The following GAS7 variants were observed in gnomAD, a reference collection of about 807,000 sequenced individuals.
GAS7 encodes growth arrest-specific protein 7.
GAS7 carries 28 observed loss-of-function variants against 71.1 expected under a neutral mutation model. The observed-to-expected ratio is 0.39, with a 90% CI of 0.29 to 0.54. The LOEUF is 0.54. Among genes scored for constraint, GAS7 ranks in the 20% least tolerant of loss-of-function variants. The pLI is 0.62. For missense variants in GAS7, 436 were observed against 627.8 expected (o/e 0.69, Z 3.27); for synonymous variants, 258 against 245.8 (o/e 1.05, Z -0.46).
rs1387937303 is a variant in GAS7 at position 9,974,142 on chromosome 17, A to G, written c.386-4380T>C. ...AGTTCTGGTCTGTCAGCTGATGGCT[A>G]ATTACTGCTCATGTCAAAACAATTA... is the stretch of plus-strand genomic sequence containing the variant. On this transcript the variant is annotated intron_variant, in intron 3 of 13. Transcript: ENST00000432992. The surrounding 1 kb of genome is among the most constrained non-coding windows in gnomAD (Gnocchi z 4.0). Among the ~76,000 whole-genome samples the G allele has an allele frequency of 1.3e-5, 2 of 152,184 alleles. No homozygotes were observed. The highest frequency in any genetic ancestry group is 2.9e-5 in the Non-Finnish European group (2 of 68,032).
intron 2 of GAS7, among the ~76,000 whole-genome samples, chr17:9,986,763 G>T (rs577131741): frequency 6.6e-6 from 1 of 152,266 alleles, no homozygotes; most frequent in South Asian, 2.1e-4. Flanking sequence ...CTCCAAATGG[G>T]CCCCATCAGG....
At chr17:9,972,877 A>C (rs987313567) in intron 3 of GAS7, among the ~76,000 whole-genome samples, 16 of 152,344 alleles carry the variant, frequency 1.1e-4, no homozygotes, top group African/African-American at 2.9e-4. Context: ...AGAAAATAAT[A>C]AAGAAGAATA....
chr17:10,054,611 T>A (rs1160552067), intron 1 of GAS7, among the ~76,000 whole-genome samples: 1 of 152,226 alleles, frequency 6.6e-6, no homozygotes, highest in Non-Finnish European at 1.5e-5. Context: ...ATTGTAACTG[T>A]CGGGGGCCTT....
rs1049491597 is a variant in GAS7 at position 9,966,123 on chromosome 17, C to A, written c.471+3554G>T. ...ATGCCATTCTCCTGCCTCAGCCTCC[C>A]GAGTAGCTGGGACTACAGGTGCCCG... On this transcript the variant is annotated intron_variant, in intron 4 of 13. Transcript: ENST00000432992. Among the ~76,000 whole-genome samples the A allele has an allele frequency of 2.6e-5, 4 of 151,956 alleles. No homozygotes were observed. In the East Asian group the frequency reaches 5.8e-4, roughly 22 times the overall value.
chr17:10,074,679 T>G (rs2073373152), intron 1 of GAS7, among the ~76,000 whole-genome samples: 1 of 152,198 alleles, frequency 6.6e-6, no homozygotes, highest in African/African-American at 2.4e-5. Context: ...ACTGTACCTG[T>G]CGGTGTGGTT....
intron 1 of GAS7, among the ~76,000 whole-genome samples, chr17:10,080,669 G>A (rs2152251301): frequency 6.6e-6 from 1 of 152,256 alleles, no homozygotes; most frequent in South Asian, 2.1e-4. Flanking sequence ...TATTACCAAG[G>A]AGATCTTTCT....
intron 1 of GAS7, among the ~76,000 whole-genome samples, chr17:10,142,072 C>T (rs896051034): frequency 6.6e-6 from 1 of 151,814 alleles, no homozygotes; most frequent in African/African-American, 2.4e-5. Flanking sequence ...ACTAAAAACA[C>T]AAAAAATTAG....
intron 1 of GAS7, among the ~76,000 whole-genome samples, chr17:10,138,225 A>G (rs546818185): frequency 1.3e-5 from 2 of 152,040 alleles, no homozygotes. Context: ...TCGGCCTCCC[A>G]AAGTGCTGGG....
At position 9,981,974 on chromosome 17, in the gene GAS7, G is replaced by A. The variant is rs1034823043; in HGVS notation, c.305-90C>T. 8.5e-5 allele frequency: 64 copies of A among 754,446 alleles called. No homozygotes were observed. In the Middle Eastern group the frequency reaches 9.4e-4, roughly 11 times the overall value. 46.7% of individuals were successfully genotyped at this position (754,446 alleles called of 1,614,324 possible). A position where few individuals can be genotyped will look rare whatever the true frequency, so the allele number is the denominator to read the frequency against. On this transcript the variant is annotated intron_variant, in intron 2 of 13. Transcript: ENST00000432992. This position sits in a 1 kb window ranked among gnomAD's most constrained non-coding sequence, Gnocchi z 4.4. Reference sequence around the variant, plus strand: ...GAGCAGAAGGAGATGCTCAGAGCTGGAGAAAAAGAGAGACAGCCAATCGCC... The same window carrying A: ...GAGCAGAAGGAGATGCTCAGAGCTGAAGAAAAAGAGAGACAGCCAATCGCC...
intron 8 of GAS7, among the ~76,000 whole-genome samples, chr17:9,934,838 C>A (rs1021958141): frequency 6.6e-6 from 1 of 152,184 alleles, no homozygotes; most frequent in African/African-American, 2.4e-5. Context: ...TGGGTTCAAG[C>A]GATTCTCCTG....
intron 1 of GAS7, chr17:10,036,376 C>T: frequency 7.5e-7 from 1 of 1,328,072 alleles, no homozygotes; most frequent in South Asian, 1.2e-5. Flanking sequence ...ATTTTAGAAA[C>T]ATGCAGAGAA....
intron 2 of GAS7, among the ~76,000 whole-genome samples, chr17:10,017,138 AAATAAATAAATAAATAAAT>A (rs2072063648): frequency 2.3e-4 from 24 of 105,102 alleles, no homozygotes; most frequent in African/African-American, 1.4e-3. Flanking sequence ...CTAAAAAAAT[AAATAAATAAATAAATAAAT>A]AAATAAATAA....
intron 1 of GAS7, among the ~76,000 whole-genome samples, chr17:10,091,988 T>A (rs193252434): frequency 2.7e-5 from 4 of 149,962 alleles, no homozygotes. Context: ...AAATGTGCCC[T>A]GACTAAAACA....
intron 1 of GAS7, among the ~76,000 whole-genome samples, chr17:10,119,786 C>A (rs1390365732): frequency 6.6e-6 from 1 of 152,140 alleles, no homozygotes; most frequent in Non-Finnish European, 1.5e-5. Flanking sequence ...TTAGAAGCAC[C>A]AAGTTCAACG....
chr17:9,997,937 C>T (rs2071110839), intron 2 of GAS7, among the ~76,000 whole-genome samples: 2 of 152,242 alleles, frequency 1.3e-5, no homozygotes, highest in African/African-American at 2.4e-5. Context: ...CCTGGCACCA[C>T]TCCCCAGGCT....
intron 1 of GAS7, among the ~76,000 whole-genome samples, chr17:10,058,871 T>A (rs2073183859): frequency 6.6e-6 from 1 of 152,200 alleles, no homozygotes; most frequent in Non-Finnish European, 1.5e-5. Context: ...AGTGGCTGAA[T>A]CCACGCAAAT....
At chr17:10,065,447 G>A (rs1211665236) in intron 1 of GAS7, among the ~76,000 whole-genome samples, 1 of 152,148 alleles carries the variant, frequency 6.6e-6, no homozygotes, top group Admixed American at 6.6e-5. Flanking sequence ...AGGGTCAAGG[G>A]GAGAACTCAG....
intron 1 of GAS7, among the ~76,000 whole-genome samples, chr17:10,188,609 G>A (rs2074474547): frequency 6.6e-6 from 1 of 151,958 alleles, no homozygotes; most frequent in Non-Finnish European, 1.5e-5. Context: ...CTAAATAGTT[G>A]AGGACTTTTT....
At chr17:10,188,042 G>A (rs184104436) in intron 1 of GAS7, among the ~76,000 whole-genome samples, 1 of 152,224 alleles carries the variant, frequency 6.6e-6, no homozygotes, top group Admixed American at 6.5e-5. Context: ...TCAGGAGTTC[G>A]AGACCTGCCT....
Sources: gnomAD v4.1 joint callset for allele counts (sites outside exome capture counted in the v4.1 genomes callset) on GRCh38, gnomAD v4.1.1 for gene constraint, Gnocchi (gnomAD v3.1) non-coding constraint, MANE v1.5 for transcripts, NCBI Gene and HGNC (gene_info 2026-07-23, HGNC 2026-07-21) for gene names.